Variants in MEOX1 observed in about 807,000 individuals in gnomAD.
MEOX1 encodes the protein homeobox protein MOX-1.
In MEOX1, 17 loss-of-function variants were observed where a neutral mutation model predicts 23.2. The ratio of observed to expected loss-of-function variants is 0.73; its 90% CI spans 0.50 to 1.10. The LOEUF is 1.10. Among genes scored for constraint, MEOX1 ranks in the 50% least tolerant of loss-of-function variants. MEOX1 has a pLI of 0.00. For synonymous variants in MEOX1, 134 were observed against 135.1 expected (o/e 0.99, Z 0.06); for missense variants, 333 against 332.2 (o/e 1.00, Z -0.02).
intron 1 of MEOX1, among the ~76,000 whole-genome samples, chr17:43,648,890 G>C (rs1315843049): frequency 6.6e-6 from 1 of 152,204 alleles, no homozygotes; most frequent in Non-Finnish European, 1.5e-5. Flanking sequence ...GCCTTGAGCT[G>C]TGTGGAGGGA....
intron 1 of MEOX1, among the ~76,000 whole-genome samples, chr17:43,651,988 G>T (rs182710105): frequency 6.6e-6 from 1 of 152,202 alleles, no homozygotes; most frequent in South Asian, 2.1e-4. Flanking sequence ...AGGCCCAGGC[G>T]TGGGATTTGT....
chr17:43,647,494 C>T (rs973548864), intron 1 of MEOX1, among the ~76,000 whole-genome samples: 1 of 152,198 alleles, frequency 6.6e-6, no homozygotes, highest in African/African-American at 2.4e-5. Flanking sequence ...AGCCAAGGCT[C>T]TCCATATCTC....
chr17:43,657,051 T>TC (rs1567748391), intron 1 of MEOX1, among the ~76,000 whole-genome samples: 26 of 140,528 alleles, frequency 1.9e-4, no homozygotes, highest in African/African-American at 6.7e-4. Context: ...TCTTTCTTTC[T>TC]TTCTTTCCTT....
At chr17:43,658,556 A>T (rs1168938839) in intron 1 of MEOX1, among the ~76,000 whole-genome samples, 1 of 152,146 alleles carries the variant, frequency 6.6e-6, no homozygotes, top group Non-Finnish European at 1.5e-5. Context: ...AAAAATCAAA[A>T]GTAATGCAAA....
chr17:43,649,997 C>T (rs1342721352), intron 1 of MEOX1, among the ~76,000 whole-genome samples: 1 of 152,196 alleles, frequency 6.6e-6, no homozygotes, highest in African/African-American at 2.4e-5. Flanking sequence ...ATCAGAGCTA[C>T]AGGGAGGTTC....
At chr17:43,644,503 G>T (rs141442578) in intron 1 of MEOX1, among the ~76,000 whole-genome samples, 1 of 152,236 alleles carries the variant, frequency 6.6e-6, no homozygotes, top group Non-Finnish European at 1.5e-5. Context: ...TCTAGTATTA[G>T]TATCACTTTA....
chr17:43,645,409 C>T lies in MEOX1; in HGVS notation c.470-1749G>A, dbSNP rs1308822581. Among the ~76,000 whole-genome samples, 5 of 152,230 alleles carry T rather than the reference C, an allele frequency of 3.3e-5. No individual in the cohort carries two copies. The East Asian group carries it at 9.7e-4, about 30-fold the overall frequency. ...AGCCAGGATGATCTCGATCTCCTGACCTCGTGATCTGCCCGCCTTGGCCTC... is the reference window on the plus strand; with the variant it reads ...AGCCAGGATGATCTCGATCTCCTGATCTCGTGATCTGCCCGCCTTGGCCTC... On this transcript the variant is annotated intron_variant, in intron 1 of 2. Coordinates refer to ENST00000318579, the MANE Select transcript of MEOX1 (RefSeq NM_004527.4).
chr17:43,643,537 C>A lies in MEOX1; in HGVS notation c.593G>T (p.Arg198Leu). Residue 198 changes from arginine to leucine, a missense_variant, in exon 2 of 3, where the codon CGG (arginine) becomes CTG (leucine). Coordinates refer to ENST00000318579, the MANE Select transcript of MEOX1 (RefSeq NM_004527.4). Reference sequence around the variant, plus strand: ...TACCGCAATCTCATATCTGCGGAGCCGAGTCAGGTAGTTATGATGGGCAAA... The same window carrying A: ...TACCGCAATCTCATATCTGCGGAGCAGAGTCAGGTAGTTATGATGGGCAAA... ...AEFAHHNYLT[R>L]LRRYEIAVNL... is the part of the protein sequence containing the mutation. 1 of 1,608,846 alleles carries A rather than the reference C, an allele frequency of 6.2e-7. No individual in the cohort carries two copies. Among genetic ancestry groups the A allele is most frequent in the Non-Finnish European group, 8.5e-7 (1 of 1,177,850 alleles).
At position 43,645,174 on chromosome 17, in the gene MEOX1, T is replaced by A. The variant is rs1287647494; in HGVS notation, c.470-1514A>T. On this transcript the variant is annotated intron_variant, in intron 1 of 2. Transcript: ENST00000318579. ...AGACGTTTGCTTCATTAATTATCTT[T>A]TTTTTTTTTTTTTTTTTTTTGAGAT... Among the ~76,000 whole-genome samples the A allele has an allele frequency of 3.6e-3, 340 of 95,234 alleles. 1 individual carries two copies. The highest frequency in any genetic ancestry group is 0.012 in the African/African-American group (318 of 26,996). 62.5% of individuals were successfully genotyped at this position (95,234 alleles called of 152,430 possible). A position where few individuals can be genotyped will look rare whatever the true frequency, so the allele number is the denominator to read the frequency against.
At chr17:43,645,499 T>C (rs1972790461) in intron 1 of MEOX1, among the ~76,000 whole-genome samples, 1 of 152,160 alleles carries the variant, frequency 6.6e-6, no homozygotes, top group African/African-American at 2.4e-5. Context: ...TTTATAGACA[T>C]GGAGGCTGTG....
At chr17:43,661,044 C>A in intron 1 of MEOX1, 22 bp downstream of exon 1, 2 of 1,439,642 alleles carry the variant, frequency 1.4e-6, no homozygotes, top group South Asian at 2.9e-5. Flanking sequence ...AAGGAATGAT[C>A]AGCTGCTCCT....
intron 2 of MEOX1, among the ~76,000 whole-genome samples, chr17:43,643,186 G>A (rs975531202): frequency 2.0e-5 from 3 of 152,132 alleles, no homozygotes; most frequent in Admixed American, 6.5e-5. Context: ...GGTGGCGCAC[G>A]CCAGTAGCCC....
chr17:43,653,497 T>A (rs1250694227), intron 1 of MEOX1, among the ~76,000 whole-genome samples: 1 of 147,262 alleles, frequency 6.8e-6, no homozygotes, highest in African/African-American at 2.5e-5. Context: ...GATTCACTCC[T>A]AAAACTGCCT....
Position 43,661,049 on chromosome 17 carries a change from G to A in MEOX1, c.469+17C>T, listed in dbSNP as rs778216555. On this transcript the variant is annotated intron_variant, in intron 1 of 2. Coordinates refer to ENST00000318579, the MANE Select transcript of MEOX1 (RefSeq NM_004527.4). Reference sequence around the variant, plus strand: ...TCACACAGTAAAGGAATGATCAGCTGCTCCTGAGCCACCTACCTGAACTCT... The same window carrying A: ...TCACACAGTAAAGGAATGATCAGCTACTCCTGAGCCACCTACCTGAACTCT... 8.2e-6 allele frequency: 12 copies of A among 1,456,020 alleles called. No homozygotes were observed. In the African/African-American group the frequency reaches 1.6e-4, roughly 19 times the overall value. 90.2% of individuals were successfully genotyped at this position (1,456,020 alleles called of 1,614,324 possible).
chr17:43,649,458 C>T (rs866193556), intron 1 of MEOX1, among the ~76,000 whole-genome samples: 9 of 152,144 alleles, frequency 5.9e-5, no homozygotes, highest in Middle Eastern at 3.4e-3. Context: ...GGGTGCCTGC[C>T]GCCACACTAG....
intron 1 of MEOX1, among the ~76,000 whole-genome samples, chr17:43,656,546 C>T (rs1264808888): frequency 6.6e-6 from 1 of 152,080 alleles, no homozygotes; most frequent in East Asian, 1.9e-4. Flanking sequence ...GAAATTGGGG[C>T]AGGACAGCTC....
At chr17:43,653,836 TG>T (rs1972964623) in intron 1 of MEOX1, among the ~76,000 whole-genome samples, 1 of 152,002 alleles carries the variant, frequency 6.6e-6, no homozygotes. Context: ...TGTCTGTACT[TG>T]TTGGTGTAAG....
chr17:43,642,842 C>A (rs1220360260), intron 2 of MEOX1, among the ~76,000 whole-genome samples: 2 of 152,176 alleles, frequency 1.3e-5, no homozygotes, highest in Non-Finnish European at 2.9e-5. Flanking sequence ...TGAACAAGTG[C>A]CTTGGGGGAT....
At position 43,643,483 on chromosome 17, in the gene MEOX1, C is replaced by T. The variant is rs375775745; in HGVS notation, c.642+5G>A. 2.2e-5 allele frequency: 34 copies of T among 1,569,464 alleles called. No homozygotes were observed. Among genetic ancestry groups the T allele is most frequent in the South Asian group, 3.5e-5 (3 of 85,278 alleles). ...AAGAAGAGGAGGGGCCCACCGGGGG[C>T]GCACCTGGCGCTCAGAGAGGTCCAG... On this transcript the variant is annotated splice_donor_5th_base_variant and intron_variant, in intron 2 of 2. Coordinates refer to ENST00000318579, the MANE Select transcript of MEOX1 (RefSeq NM_004527.4).
Sources: allele counts gnomAD v4.1 joint callset (sites outside exome capture counted in the v4.1 genomes callset), GRCh38; gene constraint gnomAD v4.1.1; transcripts MANE v1.5; gene names NCBI Gene and HGNC (gene_info 2026-07-23, HGNC 2026-07-21).